The following NUBPL variants were observed in gnomAD, a reference collection of about 807,000 sequenced individuals.
NUBPL encodes iron-sulfur cluster transfer protein NUBPL.
In NUBPL, 31 loss-of-function variants were observed where a neutral mutation model predicts 45.7. The observed-to-expected ratio is 0.68, with a 90% CI of 0.51 to 0.92. NUBPL has a LOEUF of 0.92. Among genes scored for constraint, NUBPL ranks in the 40% least tolerant of loss-of-function variants. The pLI is 0.00. For missense variants in NUBPL, 401 were observed against 398.7 expected (o/e 1.01, Z -0.05); for synonymous variants, 144 against 140.9 (o/e 1.02, Z -0.15).
chr14:31,658,039 A>T (rs910478679), intron 4 of NUBPL, among the ~76,000 whole-genome samples: 2 of 152,236 alleles, frequency 1.3e-5, no homozygotes, highest in African/African-American at 4.8e-5. Flanking sequence ...AAAAAATTCA[A>T]CTACTGTTTA....
At chr14:31,755,446 C>T (rs141139659) in intron 6 of NUBPL, among the ~76,000 whole-genome samples, 234 of 152,284 alleles carry the variant, frequency 1.5e-3, no homozygotes, top group Middle Eastern at 0.014. Context: ...CTCTGATGGC[C>T]GGTGATGCTG....
intron 4 of NUBPL, among the ~76,000 whole-genome samples, chr14:31,631,760 A>T (rs190669796): frequency 3.5e-4 from 53 of 151,112 alleles, no homozygotes; most frequent in African/African-American, 1.2e-3. Flanking sequence ...CCCTTATTCC[A>T]CCCCCGTTTT....
chr14:31,745,869 T>C (rs1029170511), intron 6 of NUBPL, among the ~76,000 whole-genome samples: 1 of 151,970 alleles, frequency 6.6e-6, no homozygotes, highest in African/African-American at 2.4e-5. Flanking sequence ...AACAGCCTCC[T>C]AATAATGCAG....
intron 3 of NUBPL, among the ~76,000 whole-genome samples, chr14:31,572,316 T>C (rs2033608220): frequency 6.6e-6 from 1 of 152,010 alleles, no homozygotes; most frequent in African/African-American, 2.4e-5. Flanking sequence ...ATTTTTTGTA[T>C]TTTTAGTAGA....
At chr14:31,781,228 A>G (rs921208659) in intron 6 of NUBPL, among the ~76,000 whole-genome samples, 4 of 152,254 alleles carry the variant, frequency 2.6e-5, no homozygotes, top group African/African-American at 9.6e-5. Context: ...CAATACAGAA[A>G]GTTACATGAA....
At chr14:31,641,308 C>T (rs1212837182) in intron 4 of NUBPL, among the ~76,000 whole-genome samples, 1 of 152,186 alleles carries the variant, frequency 6.6e-6, no homozygotes, top group Non-Finnish European at 1.5e-5. Flanking sequence ...AACCTCTCTT[C>T]ATCACTCCCT....
intron 4 of NUBPL, among the ~76,000 whole-genome samples, chr14:31,616,779 TGTAAA>T (rs1051991534): frequency 3.9e-5 from 6 of 152,158 alleles, no homozygotes; most frequent in Non-Finnish European, 7.4e-5. Context: ...CCATATGAAA[TGTAAA>T]GTAGGTTTTT....
chr14:31,578,005 T>A (rs538977414), intron 3 of NUBPL: 2 of 1,287,420 alleles, frequency 1.6e-6, no homozygotes, highest in Non-Finnish European at 2.0e-6. Context: ...GCCTGGCCCG[T>A]TGTTATGAAC....
At chr14:31,584,110 G>T (rs1171122658) in intron 3 of NUBPL, among the ~76,000 whole-genome samples, 2 of 151,778 alleles carry the variant, frequency 1.3e-5, no homozygotes, top group African/African-American at 2.4e-5. Flanking sequence ...TTTGATTAAG[G>T]CTTGCTAATT....
rs3742923 is a variant in NUBPL at position 31,858,958 on chromosome 14, G to T, written c.898-160G>T. ...TCTAAAATTCTTTCTTCCTTGTGCC[G>T]CCTGCAATATATACAGCACTATCTT... On this transcript the variant is annotated intron_variant, in intron 10 of 10. Transcript: ENST00000281081. 0.36 allele frequency among the ~76,000 whole-genome samples: 54,097 copies of T among 151,966 alleles called. 11,726 individuals are homozygous for T. The highest frequency in any genetic ancestry group is 0.47 in the Non-Finnish European group (31,667 of 67,950).
At chr14:31,616,560 T>A (rs1021673644) in intron 4 of NUBPL, among the ~76,000 whole-genome samples, 3 of 152,186 alleles carry the variant, frequency 2.0e-5, no homozygotes, top group African/African-American at 7.2e-5. Context: ...TTTGTCAGGT[T>A]TGTCAAAGAT....
intron 9 of NUBPL, among the ~76,000 whole-genome samples, chr14:31,849,086 G>C (rs1158106046): frequency 6.6e-6 from 1 of 152,146 alleles, no homozygotes; most frequent in African/African-American, 2.4e-5. Flanking sequence ...GTTGGATATT[G>C]AGGACTTATA....
intron 4 of NUBPL, among the ~76,000 whole-genome samples, chr14:31,665,636 T>C (rs1003291630): frequency 7.0e-4 from 106 of 152,046 alleles, no homozygotes; most frequent in African/African-American, 2.5e-3. Flanking sequence ...TGGCAAGGAG[T>C]GTTTTACTGC....
intron 7 of NUBPL, among the ~76,000 whole-genome samples, chr14:31,819,246 T>C (rs2039975522): frequency 6.6e-6 from 1 of 152,210 alleles, no homozygotes; most frequent in Admixed American, 6.5e-5. Context: ...CATCAGATGT[T>C]GAATGATTAT....
intron 10 of NUBPL, among the ~76,000 whole-genome samples, chr14:31,856,222 A>G (rs926774778): frequency 6.6e-6 from 1 of 152,074 alleles, no homozygotes; most frequent in Non-Finnish European, 1.5e-5. Flanking sequence ...GCAAAAAGAG[A>G]GCTTGTGCAA....
chr14:31,694,373 A>T (rs913721191), intron 6 of NUBPL, among the ~76,000 whole-genome samples: 7 of 152,178 alleles, frequency 4.6e-5, no homozygotes, highest in African/African-American at 1.7e-4. Flanking sequence ...TGAGTAGCTT[A>T]GTTTGATTAA....
chr14:31,578,782 A>G (rs1441502819), intron 3 of NUBPL, among the ~76,000 whole-genome samples: 2 of 152,216 alleles, frequency 1.3e-5, no homozygotes, highest in Non-Finnish European at 2.9e-5. Context: ...TAAAATGGCC[A>G]CTTAAAGAGA....
At chr14:31,731,585 C>T (rs4981894) in intron 6 of NUBPL, among the ~76,000 whole-genome samples, 44,093 of 151,968 alleles carry the variant, frequency 0.29, 7,395 homozygotes, top group South Asian at 0.41. Context: ...AGATAGATGC[C>T]AGGAATGGAT....
intron 6 of NUBPL, among the ~76,000 whole-genome samples, chr14:31,717,917 G>A (rs2037725241): frequency 6.6e-6 from 1 of 152,080 alleles, no homozygotes; most frequent in South Asian, 2.1e-4. Flanking sequence ...AACATAGTAA[G>A]ATACTAGTGG....
Sources: gnomAD v4.1 joint callset for allele counts (sites outside exome capture counted in the v4.1 genomes callset) on GRCh38, gnomAD v4.1.1 for gene constraint, MANE v1.5 for transcripts, NCBI Gene and HGNC (gene_info 2026-07-23, HGNC 2026-07-21) for gene names.